Variants in MDGA2 observed in about 807,000 individuals in gnomAD.
MDGA2 encodes MAM domain-containing glycosylphosphatidylinositol anchor protein 2.
Under a neutral mutation model 117.8 loss-of-function variants are expected in MDGA2, and 40 were observed. That is an observed-to-expected ratio of 0.34 (90% CI 0.26 to 0.44). MDGA2 has a LOEUF of 0.44. Ranked by LOEUF, MDGA2 falls within the 20% of genes least tolerant of loss-of-function variation. The pLI is 1.00. For synonymous variants in MDGA2, 452 were observed against 439.0 expected (o/e 1.03, Z -0.37); for missense variants, 1,123 against 1,250.6 (o/e 0.90, Z 1.54).
chr14:47,413,775 T>C (rs1892421241), intron 1 of MDGA2, among the ~76,000 whole-genome samples: 1 of 151,880 alleles, frequency 6.6e-6, no homozygotes, highest in African/African-American at 2.4e-5. Flanking sequence ...ACATGTTCTA[T>C]ATACAATGAA....
At chr14:47,214,016 G>A (rs1052554548) in intron 3 of MDGA2, among the ~76,000 whole-genome samples, 11 of 152,210 alleles carry the variant, frequency 7.2e-5, no homozygotes, top group Non-Finnish European at 8.8e-5. Flanking sequence ...GAGCGAAGAG[G>A]GGGGTAAAGA....
chr14:47,604,649 T>C (rs1896710198), intron 1 of MDGA2, among the ~76,000 whole-genome samples: 1 of 151,998 alleles, frequency 6.6e-6, no homozygotes, highest in African/African-American at 2.4e-5. Context: ...AATCTTGGTT[T>C]TACTCTCTCT....
At chr14:46,930,352 A>T (rs950468366) in intron 9 of MDGA2, among the ~76,000 whole-genome samples, 2 of 152,146 alleles carry the variant, frequency 1.3e-5, no homozygotes, top group Non-Finnish European at 2.9e-5. Flanking sequence ...TATTTTTTTT[A>T]AAAGCCAAAT....
intron 8 of MDGA2, among the ~76,000 whole-genome samples, chr14:46,965,350 A>C (rs1885986260): frequency 6.6e-6 from 1 of 152,174 alleles, no homozygotes; most frequent in African/African-American, 2.4e-5. Context: ...CCCACACCTG[A>C]AAGATTCAGC....
chr14:47,379,019 T>C (rs1594826138), intron 1 of MDGA2, among the ~76,000 whole-genome samples: 1 of 152,298 alleles, frequency 6.6e-6, no homozygotes, highest in Non-Finnish European at 1.5e-5. Context: ...GCGGATCTCT[T>C]GGCAGAAACT....
intron 2 of MDGA2, among the ~76,000 whole-genome samples, chr14:47,232,732 C>T (rs1886732804): frequency 6.6e-6 from 1 of 152,120 alleles, no homozygotes; most frequent in African/African-American, 2.4e-5. Flanking sequence ...TAAATCAACA[C>T]CATAGACTCT....
At chr14:47,170,259 GAAGGA>G (rs1257975089) in intron 3 of MDGA2, among the ~76,000 whole-genome samples, 6 of 152,146 alleles carry the variant, frequency 3.9e-5, no homozygotes, top group Admixed American at 2.0e-4. Flanking sequence ...CAAATGAGAA[GAAGGA>G]AAGTAAGAAA....
intron 2 of MDGA2, among the ~76,000 whole-genome samples, chr14:47,221,930 C>A (rs953147286): frequency 6.6e-6 from 1 of 151,900 alleles, no homozygotes; most frequent in Non-Finnish European, 1.5e-5. Flanking sequence ...TTGACAATTT[C>A]ATCTCCTCGA....
At chr14:47,320,130 T>A (rs1889936428) in intron 1 of MDGA2, among the ~76,000 whole-genome samples, 1 of 152,162 alleles carries the variant, frequency 6.6e-6, no homozygotes, top group Non-Finnish European at 1.5e-5. Context: ...GATCTTGGAC[T>A]TAGAGTCTCT....
chr14:47,414,846 A>T (rs1234699725), intron 1 of MDGA2, among the ~76,000 whole-genome samples: 1 of 152,164 alleles, frequency 6.6e-6, no homozygotes, highest in Non-Finnish European at 1.5e-5. Context: ...AGAAAGACAA[A>T]AGCAAGCAAA....
intron 2 of MDGA2, among the ~76,000 whole-genome samples, chr14:47,273,859 A>G (rs998645905): frequency 4.6e-5 from 7 of 152,152 alleles, no homozygotes; most frequent in African/African-American, 1.7e-4. Flanking sequence ...ATAATAATAA[A>G]GAAGAATTTG....
At chr14:47,293,529 T>G (rs1232167115) in intron 2 of MDGA2, among the ~76,000 whole-genome samples, 3 of 152,222 alleles carry the variant, frequency 2.0e-5, no homozygotes, top group Non-Finnish European at 2.9e-5. Context: ...GAGTTAAATG[T>G]AAGTATATAG....
chr14:46,897,681 T>C (rs1883133203), intron 10 of MDGA2, among the ~76,000 whole-genome samples: 1 of 69,364 alleles, frequency 1.4e-5, no homozygotes, highest in African/African-American at 4.0e-5. Flanking sequence ...TGTTAGCTAA[T>C]GCAATAATAA....
intron 1 of MDGA2, among the ~76,000 whole-genome samples, chr14:47,361,767 G>T (rs756044742): frequency 6.3e-4 from 95 of 151,970 alleles, no homozygotes; most frequent in Non-Finnish European, 1.2e-3. Context: ...TCAGTTGTTT[G>T]GTTGATCATT....
At chr14:47,224,447 A>G (rs1886410903) in intron 2 of MDGA2, among the ~76,000 whole-genome samples, 1 of 152,206 alleles carries the variant, frequency 6.6e-6, no homozygotes. Context: ...TCCAAAAAGT[A>G]TATTGTGTAG....
intron 1 of MDGA2, among the ~76,000 whole-genome samples, chr14:47,607,126 C>T (rs1375300432): frequency 6.6e-6 from 1 of 151,886 alleles, no homozygotes; most frequent in African/African-American, 2.4e-5. Context: ...TATAAATACC[C>T]AAGGAAAAAA....
chr14:47,620,544 A>G (rs1200075744), intron 1 of MDGA2, among the ~76,000 whole-genome samples: 1 of 152,236 alleles, frequency 6.6e-6, no homozygotes, highest in Non-Finnish European at 1.5e-5. Flanking sequence ...TACTGATGAG[A>G]GGGCAGGATA....
At chr14:47,639,320 G>A (rs991926421) in intron 1 of MDGA2, among the ~76,000 whole-genome samples, 1 of 152,042 alleles carries the variant, frequency 6.6e-6, no homozygotes, top group Non-Finnish European at 1.5e-5. Context: ...ATTCACTACC[G>A]CCTTACCATG....
intron 10 of MDGA2, among the ~76,000 whole-genome samples, chr14:46,898,257 G>A (rs1883157087): frequency 6.6e-6 from 1 of 151,980 alleles, no homozygotes; most frequent in African/African-American, 2.4e-5. Flanking sequence ...AGAGACTCTG[G>A]TAATTTCTCT....
Sources: gnomAD v4.1 joint callset for allele counts (sites outside exome capture counted in the v4.1 genomes callset) on GRCh38, gnomAD v4.1.1 for gene constraint, MANE v1.5 for transcripts, NCBI Gene and HGNC (gene_info 2026-07-23, HGNC 2026-07-21) for gene names.